Variants in TNFSF8 observed in about 807,000 individuals in gnomAD.
The protein encoded by TNFSF8 is tumor necrosis factor ligand superfamily member 8.
TNFSF8 carries 4 observed loss-of-function variants against 22.0 expected under a neutral mutation model. The ratio of observed to expected loss-of-function variants is 0.18; its 90% CI spans 0.09 to 0.42. TNFSF8 has a LOEUF of 0.42. Among genes scored for constraint, TNFSF8 ranks in the 10% least tolerant of loss-of-function variants. TNFSF8 has a pLI of 1.00. For synonymous variants in TNFSF8, 106 were observed against 112.5 expected (o/e 0.94, Z 0.37); for missense variants, 233 against 281.8 (o/e 0.83, Z 1.24).
At chr9:114,920,168 A>G (rs1827969919) in intron 1 of TNFSF8, among the ~76,000 whole-genome samples, 1 of 152,248 alleles carries the variant, frequency 6.6e-6, no homozygotes, top group African/African-American at 2.4e-5. Flanking sequence ...TTTAAAATTT[A>G]ATAAACAACT....
intron 1 of TNFSF8, among the ~76,000 whole-genome samples, chr9:114,925,714 A>AT (rs914852594): frequency 6.6e-5 from 10 of 151,826 alleles, no homozygotes; most frequent in Admixed American, 1.3e-4. Flanking sequence ...TAAAAAAAGA[A>AT]TTTTTTTTGC....
intron 2 of TNFSF8, among the ~76,000 whole-genome samples, chr9:114,916,834 G>A (rs998354571): frequency 3.9e-5 from 6 of 152,158 alleles, no homozygotes; most frequent in East Asian, 3.8e-4. Context: ...AAGCCTAAAC[G>A]TTTACTATCT....
chr9:114,904,796 T>C (rs185517718), intron 3 of TNFSF8, among the ~76,000 whole-genome samples: 2 of 152,316 alleles, frequency 1.3e-5, no homozygotes, highest in East Asian at 3.9e-4. Flanking sequence ...AAGTACAAGG[T>C]AGGACATTCA....
At chr9:114,910,148 TG>T (rs758868665) in intron 2 of TNFSF8, among the ~76,000 whole-genome samples, 51 of 152,338 alleles carry the variant, frequency 3.3e-4, no homozygotes, top group East Asian at 7.7e-4. Context: ...AGAAGGATCA[TG>T]GGACTTTCTG....
chr9:114,898,751 T>C (rs1440623478), downstream of TNFSF8, among the ~76,000 whole-genome samples: 1 of 152,172 alleles, frequency 6.6e-6, no homozygotes, highest in East Asian at 1.9e-4. Context: ...GGAAGGGGTT[T>C]ATCACAGGGT....
At chr9:114,905,697 A>T in intron 3 of TNFSF8, 131 bp downstream of exon 3, 3 of 744,610 alleles carry the variant, frequency 4.0e-6, no homozygotes. Context: ...AATTTCCTGC[A>T]GACTAAACAG....
rs140014926 is a variant in TNFSF8 at position 114,913,981 on chromosome 9, G to A, written c.238+4115C>T. 2.2e-3 allele frequency among the ~76,000 whole-genome samples: 329 copies of A among 152,284 alleles called. 1 individual carries two copies. Among genetic ancestry groups the A allele is most frequent in the Non-Finnish European group, 2.7e-3 (187 of 68,020 alleles). ...GCAGGTAAGAGCTATCATTTGGTGG[G>A]GTGATTTGTTATAAAAAGGGCCAGG... On this transcript the variant is annotated intron_variant, in intron 2 of 3. Coordinates refer to ENST00000223795, the MANE Select transcript of TNFSF8 (RefSeq NM_001244.4).
At chr9:114,925,910 T>C (rs1828051673) in intron 1 of TNFSF8, among the ~76,000 whole-genome samples, 1 of 152,174 alleles carries the variant, frequency 6.6e-6, no homozygotes, top group Non-Finnish European at 1.5e-5. Flanking sequence ...TGTAAACACC[T>C]ACCTGTGGTG....
chr9:114,910,101 G>A (rs769353775), intron 2 of TNFSF8, among the ~76,000 whole-genome samples: 3 of 152,208 alleles, frequency 2.0e-5, no homozygotes, highest in Non-Finnish European at 2.9e-5. Flanking sequence ...AGATGCATCA[G>A]CTTTGTAAAT....
chr9:114,907,594 TC>T (rs2131342522), intron 2 of TNFSF8, among the ~76,000 whole-genome samples: 1 of 152,232 alleles, frequency 6.6e-6, no homozygotes, highest in African/African-American at 2.4e-5. Context: ...GCTTTCATGG[TC>T]CCCATTGTTC....
intron 2 of TNFSF8, among the ~76,000 whole-genome samples, chr9:114,914,745 G>T (rs1026217557): frequency 2.0e-5 from 3 of 151,994 alleles, no homozygotes; most frequent in Non-Finnish European, 2.9e-5. Flanking sequence ...AACCCAGAAA[G>T]GAGAAGGGTG....
chr9:114,928,470 C>A (rs1357214191), intron 1 of TNFSF8, among the ~76,000 whole-genome samples: 1 of 152,200 alleles, frequency 6.6e-6, no homozygotes, highest in East Asian at 1.9e-4. Flanking sequence ...TATGAATGAG[C>A]TCTGAAGTTC....
chr9:114,918,824 C>T (rs900554392), intron 1 of TNFSF8, among the ~76,000 whole-genome samples: 2 of 152,312 alleles, frequency 1.3e-5, no homozygotes, highest in East Asian at 3.9e-4. Context: ...TGGTCTCGAA[C>T]TCCTGACCTT....
chr9:114,903,824 T>C lies in TNFSF8; in HGVS notation c.*107A>G. ...AGGAGAAGTATACTATTTAATACCC[T>C]GTGTAGTTTGTCTTGGTCTAAAGTT... On this transcript the variant is annotated 3_prime_UTR_variant, in exon 4 of 4. Coordinates refer to ENST00000223795, the MANE Select transcript of TNFSF8 (RefSeq NM_001244.4). The C allele has an allele frequency of 6.6e-7, 1 of 1,508,114 alleles. No homozygotes were observed. Among genetic ancestry groups the C allele is most frequent in the South Asian group, 1.4e-5 (1 of 72,838 alleles). The allele number at this position is 1,508,114 out of a possible 1,614,324, so 93.4% of individuals were successfully genotyped here. A position where few individuals can be genotyped will look rare whatever the true frequency, so the allele number is the denominator to read the frequency against.
At chr9:114,919,392 A>G (rs1194384615) in intron 1 of TNFSF8, among the ~76,000 whole-genome samples, 2 of 152,178 alleles carry the variant, frequency 1.3e-5, no homozygotes, top group Non-Finnish European at 2.9e-5. Flanking sequence ...ATTGAAGGTG[A>G]CTAAAGGGAG....
At chr9:114,927,799 A>T (rs1002404488) in intron 1 of TNFSF8, among the ~76,000 whole-genome samples, 2 of 152,104 alleles carry the variant, frequency 1.3e-5, no homozygotes, top group African/African-American at 2.4e-5. Flanking sequence ...CATTTTTAAT[A>T]ATGGTGATGT....
chr9:114,923,514 CTTTCTTTCTTTT>C lies in TNFSF8; in HGVS notation c.196-5388_196-5377del, dbSNP rs999567451. On this transcript the variant is annotated intron_variant, in intron 1 of 3. Transcript: ENST00000223795. Reference sequence around the variant, plus strand: ...TCTTTCTTTCTTTCTTTCTTTCTTTCTTTCTTTCTTTTTTTTTTTTTGAGATGAAATCTCACT... The same window carrying C: ...TCTTTCTTTCTTTCTTTCTTTCTTTCTTTTTTTTTGAGATGAAATCTCACT... 5.1e-4 allele frequency among the ~76,000 whole-genome samples: 44 copies of C among 86,334 alleles called. No individual in the cohort carries two copies. In the East Asian group the frequency reaches 0.015, roughly 30 times the overall value. 56.6% of individuals were successfully genotyped at this position (86,334 alleles called of 152,430 possible).
Position 114,901,850 on chromosome 9 carries a change from C to T in TNFSF8, c.*2081G>A. The T allele has an allele frequency of 1.1e-6, 1 of 949,052 alleles. No homozygotes were observed. Among genetic ancestry groups the T allele is most frequent in the Non-Finnish European group, 1.3e-6 (1 of 796,786 alleles). 58.8% of individuals were successfully genotyped at this position (949,052 alleles called of 1,614,324 possible). On this transcript the variant is annotated 3_prime_UTR_variant, in exon 4 of 4. Transcript: ENST00000223795. ...ACACAGCACACTGCTCAGCAGATGA[C>T]TTAAAATTTTCCCTTAGCCATTTTT... is the stretch of plus-strand genomic sequence containing the variant.
intron 1 of TNFSF8, among the ~76,000 whole-genome samples, chr9:114,919,674 C>A (rs926071503): frequency 6.6e-6 from 1 of 152,154 alleles, no homozygotes; most frequent in South Asian, 2.1e-4. Context: ...TGCGAAAAAA[C>A]CAACTTCCTA....
Sources: gnomAD v4.1 joint callset for allele counts (sites outside exome capture counted in the v4.1 genomes callset) on GRCh38, gnomAD v4.1.1 for gene constraint, MANE v1.5 for transcripts, NCBI Gene and HGNC (gene_info 2026-07-23, HGNC 2026-07-21) for gene names.